KLF12: variants seen among roughly 807,000 people sequenced by gnomAD.
KLF12 encodes the protein KLF transcription factor 12, also known as Krueppel-like factor 12.
A neutral mutation model predicts 37.8 loss-of-function variants in KLF12; 9 were observed. The observed-to-expected ratio is 0.24, with a 90% confidence interval of 0.14 to 0.42. The LOEUF is 0.42. KLF12 is among the 10% of genes least tolerant of loss of function. The pLI, the probability that KLF12 is intolerant of heterozygous loss-of-function variation, is 1.00. For synonymous variants in KLF12, 208 were observed against 202.1 expected (o/e 1.03, Z -0.25); for missense variants, 411 against 516.0 (o/e 0.80, Z 1.97).
intron 2 of KLF12, among the ~76,000 whole-genome samples, chr13:73,987,716 G>A (rs917072481): frequency 7.1e-6 from 1 of 140,036 alleles, no homozygotes. Flanking sequence ...GAGAGAAAGT[G>A]GGGGGGTAGA....
chr13:73,953,200 C>T lies in KLF12; in HGVS notation c.34-9130G>A, dbSNP rs141463849. 3.0e-3 allele frequency among the ~76,000 whole-genome samples: 449 copies of T among 152,144 alleles called. 22 individuals are homozygous for T. The East Asian group carries it at 0.072, about 24-fold the overall frequency. On this transcript the variant is annotated intron_variant, in intron 2 of 7. Transcript: ENST00000377669. The stretch of plus-strand genomic sequence containing the variant: ...ATTTAATTTCAATATATTTTGCTTA[C>T]CTAAAATCTGTTACACAGAGGGAAA...
In KLF12 at chr13:73,691,622, TAC is replaced by T. The variant is rs1491198434; in HGVS notation, c.*3866_*3867del. ...GACATCTTTAGAACAACATCATGGCTACATTTCTAAGCAGTCATAACAACATA... is the reference window on the plus strand; with the variant it reads ...GACATCTTTAGAACAACATCATGGCTATTTCTAAGCAGTCATAACAACATA... On this transcript the variant is annotated 3_prime_UTR_variant, in exon 8 of 8. Coordinates refer to ENST00000377669, the MANE Select transcript of KLF12 (RefSeq NM_007249.5). 1.3e-5 allele frequency: 2 copies of T among 152,658 alleles called. No individual in the cohort carries two copies. The highest frequency in any genetic ancestry group is 2.9e-5 in the Non-Finnish European group (2 of 68,042). The allele number at this position is 152,658 out of a possible 1,614,324, so 9.5% of individuals were successfully genotyped here. A position where few individuals can be genotyped will look rare whatever the true frequency, so the allele number is the denominator to read the frequency against.
the KLF12 span, among the ~76,000 whole-genome samples, chr13:74,250,382 C>CAGGT: frequency 6.6e-6 from 1 of 152,072 alleles, no homozygotes; most frequent in Non-Finnish European, 1.5e-5. Context: ...AGGTCATCAG[C>CAGGT]AGGTAGGATG....
intron 1 of KLF12, among the ~76,000 whole-genome samples, chr13:74,103,491 G>A (rs1422381380): frequency 6.6e-6 from 1 of 152,184 alleles, no homozygotes; most frequent in East Asian, 1.9e-4. Context: ...CAGGAGCAGG[G>A]ATATGTTGCC....
chr13:73,810,068 A>T (rs1882845714), intron 5 of KLF12, among the ~76,000 whole-genome samples: 1 of 152,146 alleles, frequency 6.6e-6, no homozygotes, highest in Non-Finnish European at 1.5e-5. Context: ...AACATGGTGA[A>T]ACTCTGTCTC....
chr13:74,017,338 C>T (rs1892718785), intron 1 of KLF12, among the ~76,000 whole-genome samples: 1 of 140,424 alleles, frequency 7.1e-6, no homozygotes. Context: ...TGTGAATTAT[C>T]TCACAAAAAC....
intron 3 of KLF12, among the ~76,000 whole-genome samples, chr13:73,911,236 AT>A (rs1888556468): frequency 6.6e-6 from 1 of 152,170 alleles, no homozygotes; most frequent in Admixed American, 6.5e-5. Flanking sequence ...AAAAATATTA[AT>A]AAAATTTTTA....
At chr13:73,903,988 G>T (rs1194891000) in intron 3 of KLF12, among the ~76,000 whole-genome samples, 4 of 152,160 alleles carry the variant, frequency 2.6e-5, no homozygotes, top group African/African-American at 9.7e-5. Flanking sequence ...GGGCCCTGGT[G>T]CCAAAAAAGG....
chr13:74,262,344 C>T, the KLF12 span, among the ~76,000 whole-genome samples: 1 of 152,272 alleles, frequency 6.6e-6, no homozygotes, highest in South Asian at 2.1e-4. Context: ...GACATTATAG[C>T]TTCATGAGAT....
intron 7 of KLF12, among the ~76,000 whole-genome samples, chr13:73,705,364 C>T (rs1446528074): frequency 1.3e-5 from 2 of 152,178 alleles, no homozygotes. Context: ...ACCTCTGCCT[C>T]CCAGGTTCAA....
At chr13:73,934,438 A>C (rs868117291) in intron 3 of KLF12, among the ~76,000 whole-genome samples, 1 of 152,194 alleles carries the variant, frequency 6.6e-6, no homozygotes, top group African/African-American at 2.4e-5. Context: ...TCAGCAGTCA[A>C]CTGTCTTTTA....
chr13:73,995,523 T>C (rs903850677), intron 1 of KLF12, among the ~76,000 whole-genome samples: 2 of 152,206 alleles, frequency 1.3e-5, no homozygotes, highest in African/African-American at 4.8e-5. Context: ...GGGGAAATGA[T>C]TGTTTCTTTA....
intron 1 of KLF12, among the ~76,000 whole-genome samples, chr13:74,103,183 A>G (rs775096478): frequency 1.3e-5 from 2 of 152,260 alleles, no homozygotes; most frequent in African/African-American, 2.4e-5. Context: ...AATTATTTAT[A>G]AGTAATTTTA....
chr13:73,940,628 T>C (rs956457882), intron 3 of KLF12, among the ~76,000 whole-genome samples: 1 of 152,238 alleles, frequency 6.6e-6, no homozygotes, highest in African/African-American at 2.4e-5. Context: ...TTTTTCACCA[T>C]GCTAATTATA....
chr13:74,233,641 TCTATATGAAGA>T, the KLF12 span, among the ~76,000 whole-genome samples: 4 of 152,224 alleles, frequency 2.6e-5, no homozygotes, highest in South Asian at 6.2e-4. Flanking sequence ...GACTAAATAT[TCTATATGAAGA>T]CAGATGAATG....
chr13:74,243,494 G>C, the KLF12 span, among the ~76,000 whole-genome samples: 1 of 152,064 alleles, frequency 6.6e-6, no homozygotes, highest in Non-Finnish European at 1.5e-5. Context: ...TGGTTCAAAT[G>C]GTATTCCTGG....
At position 74,004,440 on chromosome 13, in the gene KLF12, G is replaced by A. The variant is rs533449074; in HGVS notation, c.-31-9387C>T. 3.5e-4 allele frequency among the ~76,000 whole-genome samples: 54 copies of A among 152,214 alleles called. 1 individual carries two copies. Among genetic ancestry groups the A allele is most frequent in the Admixed American group, 2.7e-3 (42 of 15,296 alleles). ...CAGAGAAGTAACTTGCCTAACAAGC[G>A]GCAAAGGCAGAATTTTGAAACCTAT... On this transcript the variant is annotated intron_variant, in intron 1 of 7. Coordinates refer to ENST00000377669, the MANE Select transcript of KLF12 (RefSeq NM_007249.5).
In KLF12 at chr13:73,846,199, G is replaced by C; in HGVS notation, c.298C>G (p.Pro100Ala). 1.2e-6 allele frequency: 2 copies of C among 1,614,138 alleles called. No homozygotes were observed. The highest frequency in any genetic ancestry group is 2.2e-5 in the South Asian group (2 of 91,080). ...GAGGCAGATGCTGTCATGGAAACTG[G>C]GGAGGATGAAACGGCAGTAGGGGAC... Residue 100 changes from proline to alanine, a missense_variant, in exon 4 of 8, where the codon CCA (proline) becomes GCA (alanine). Pro to Ala is a conservative substitution (Grantham distance 27, BLOSUM62 -1). Transcript: ENST00000377669.
Position 73,693,913 on chromosome 13 carries a change from T to A in KLF12, c.*1577A>T, listed in dbSNP as rs542183008. 1.3e-5 allele frequency: 2 copies of A among 152,700 alleles called. No individual in the cohort carries two copies. Among genetic ancestry groups the A allele is most frequent in the South Asian group, 4.1e-4 (2 of 4,820 alleles). 9.5% of individuals were successfully genotyped at this position (152,700 alleles called of 1,614,324 possible). A position where few individuals can be genotyped will look rare whatever the true frequency, so the allele number is the denominator to read the frequency against. On this transcript the variant is annotated 3_prime_UTR_variant, in exon 8 of 8. Transcript: ENST00000377669. ...ATTTTTCTGAAAGAATGCTCGTTGG[T>A]GATGTATTGCTTGTTTACTGTATAT... is the stretch of plus-strand genomic sequence containing the variant.
Sources: allele counts gnomAD v4.1 joint callset (sites outside exome capture counted in the v4.1 genomes callset), GRCh38; gene constraint gnomAD v4.1.1; transcripts MANE v1.5; gene names NCBI Gene and HGNC (gene_info 2026-07-23, HGNC 2026-07-21).